The following UPF3B variants were observed in gnomAD, a reference collection of about 807,000 sequenced individuals.
UPF3B encodes the protein UPF3B regulator of nonsense mediated mRNA decay.
In UPF3B, 7 loss-of-function variants were observed where a neutral mutation model predicts 40.3. The ratio of observed to expected loss-of-function variants is 0.17; its 90% CI spans 0.10 to 0.33. The LOEUF is 0.33. UPF3B is among the 10% of genes least tolerant of loss of function. The pLI is 1.00. For missense variants in UPF3B, 229 were observed against 358.9 expected (o/e 0.64, Z 2.93); for synonymous variants, 117 against 117.3 (o/e 1.00, Z 0.01).
chrX:119,838,147 T>G, intron 9 of UPF3B, 96 bp from the exon 10 acceptor site: 1 of 1,103,921 alleles, frequency 9.1e-7, no homozygotes, highest in Non-Finnish European at 1.2e-6. Flanking sequence ...GCAATGAGGT[T>G]GCACTTTTAG....
chrX:119,815,885 G>A (rs1336451628), intron 4 of UPF3B, among the ~76,000 whole-genome samples: 1 of 111,311 alleles, frequency 9.0e-6, no homozygotes, highest in African/African-American at 3.3e-5. Context: ...GGGTTCAAGC[G>A]ATTCTCCTGC....
At position 119,814,859 on chromosome X, in the gene UPF3B, CTTTTTTTT is replaced by C. The variant is rs140201169; in HGVS notation, c.602+333_602+340del. Among the ~76,000 whole-genome samples the C allele has an allele frequency of 9.6e-3, 446 of 46,288 alleles. 3 individuals are homozygous for C. The highest frequency in any genetic ancestry group is 0.013 in the Non-Finnish European group (352 of 26,092). The allele number at this position is 46,288 out of a possible 115,157, so 40.2% of individuals were successfully genotyped here. ...CACTCCTCTACTCTTTTCTTTCTTT[CTTTTTTTT>C]TTTTTTTTTTTTTTTTGAGATGGAG... On this transcript the variant is annotated intron_variant, in intron 5 of 6. Transcript: ENST00000636792.
At chrX:119,819,287 C>T (rs2055891549) in intron 4 of UPF3B, among the ~76,000 whole-genome samples, 1 of 110,319 alleles carries the variant, frequency 9.1e-6, no homozygotes, top group South Asian at 3.8e-4. Flanking sequence ...CTGCTGACCT[C>T]GTGATCCTCC....
intron 4 of UPF3B, 77 bp downstream of exon 4, chrX:119,845,121 T>C: frequency 4.8e-6 from 4 of 836,052 alleles, no homozygotes; most frequent in South Asian, 2.3e-5. Context: ...AATTTTGGGG[T>C]CGAATTAACT....
chrX:119,827,749 T>C (rs1161016553), intron 3 of UPF3B, among the ~76,000 whole-genome samples: 1 of 110,879 alleles, frequency 9.0e-6, no homozygotes, highest in East Asian at 2.8e-4. Context: ...CTTTATTTTT[T>C]TGAGATGGAG....
chrX:119,809,080 G>A (rs994964833), intron 5 of UPF3B, among the ~76,000 whole-genome samples: 22 of 111,976 alleles, frequency 2.0e-4, no homozygotes, highest in African/African-American at 6.8e-4. Flanking sequence ...TCACAGTTTC[G>A]AATGGCTCGG....
At chrX:119,833,193 T>C (rs1210384074), downstream of UPF3B, among the ~76,000 whole-genome samples, 1 of 112,181 alleles carries the variant, frequency 8.9e-6, no homozygotes, top group African/African-American at 3.2e-5. Flanking sequence ...TGCTCAAATA[T>C]TGTTTAGACA....
chrX:119,835,747 G>C (rs1315139703), intron 10 of UPF3B, among the ~76,000 whole-genome samples: 1 of 111,773 alleles, frequency 8.9e-6, no homozygotes, highest in African/African-American at 3.3e-5. Context: ...CCAATACTTT[G>C]AGGGGATCGG....
At chrX:119,847,253 CCTGA>C (rs1170388563) in intron 3 of UPF3B, among the ~76,000 whole-genome samples, 2 of 111,371 alleles carry the variant, frequency 1.8e-5, no homozygotes, top group Admixed American at 9.6e-5. Flanking sequence ...ATTGGGCCAG[CCTGA>C]CTAACATGGT....
At chrX:119,828,434 G>C (rs968140706) in intron 3 of UPF3B, among the ~76,000 whole-genome samples, 1 of 111,583 alleles carries the variant, frequency 9.0e-6, no homozygotes, top group Non-Finnish European at 1.9e-5. Flanking sequence ...CACTTTGGGA[G>C]GCTAAGGTGG....
chrX:119,843,412 A>T, intron 4 of UPF3B, 111 bp from the exon 5 acceptor site: 1 of 588,262 alleles, frequency 1.7e-6, no homozygotes, highest in Non-Finnish European at 2.7e-6. Context: ...TTCGTGGAAG[A>T]TTAAAAAAAA....
chrX:119,808,725 G>A (rs2055810228), intron 5 of UPF3B, among the ~76,000 whole-genome samples: 1 of 109,973 alleles, frequency 9.1e-6, no homozygotes, highest in Non-Finnish European at 1.9e-5. Flanking sequence ...TGAGATGGCT[G>A]GCAACAGGCT....
In UPF3B at chrX:119,842,580, T is replaced by A. The variant is rs868194142; in HGVS notation, c.580+611A>T. 5.9e-3 allele frequency among the ~76,000 whole-genome samples: 420 copies of A among 71,426 alleles called. 4 individuals are homozygous for A. Among genetic ancestry groups the A allele is most frequent in the African/African-American group, 0.024 (386 of 16,335 alleles). The allele number at this position is 71,426 out of a possible 115,157, so 62.0% of individuals were successfully genotyped here. A position where few individuals can be genotyped will look rare whatever the true frequency, so the allele number is the denominator to read the frequency against. On this transcript the variant is annotated intron_variant, in intron 5 of 10. Coordinates refer to ENST00000276201, the MANE Select transcript of UPF3B (RefSeq NM_080632.3). ...GGGCGACAGAGCAAGACTCCATCTCTCACACACACACACACACACACACAT... is the reference window on the plus strand; with the variant it reads ...GGGCGACAGAGCAAGACTCCATCTCACACACACACACACACACACACACAT...
intron 3 of UPF3B, among the ~76,000 whole-genome samples, chrX:119,851,216 ACTG>A (rs1490426240): frequency 8.9e-6 from 1 of 112,560 alleles, no homozygotes; most frequent in East Asian, 2.8e-4. Context: ...ACTTATCAGT[ACTG>A]CGGCTGAAAT....
intron 5 of UPF3B, among the ~76,000 whole-genome samples, chrX:119,814,660 T>C (rs758263401): frequency 8.9e-6 from 1 of 111,908 alleles, no homozygotes; most frequent in Non-Finnish European, 1.9e-5. Context: ...TCATGTCATA[T>C]GTGATGAAGT....
chrX:119,828,983 A>T (rs1297687709), intron 3 of UPF3B, among the ~76,000 whole-genome samples: 13 of 111,353 alleles, frequency 1.2e-4, no homozygotes, highest in Non-Finnish European at 1.9e-4. Context: ...TGCCTCCAAA[A>T]GTGCTGGGAT....
chrX:119,827,874 G>A (rs1972131486), intron 3 of UPF3B, among the ~76,000 whole-genome samples: 3 of 109,910 alleles, frequency 2.7e-5, no homozygotes, highest in Admixed American at 9.8e-5. Context: ...TGGGATTACA[G>A]GCACCCACCA....
At chrX:119,812,392 C>T (rs1178317591) in intron 5 of UPF3B, among the ~76,000 whole-genome samples, 1 of 111,839 alleles carries the variant, frequency 8.9e-6, no homozygotes, top group Non-Finnish European at 1.9e-5. Context: ...GAAGATCCCT[C>T]GTACTTCCCT....
At chrX:119,806,311 T>C (rs1440586377) in intron 6 of UPF3B, among the ~76,000 whole-genome samples, 3 of 88,722 alleles carry the variant, frequency 3.4e-5, no homozygotes, top group Non-Finnish European at 6.6e-5. Flanking sequence ...GGAAGGGGAA[T>C]ATCACACTCT....
Sources: gnomAD v4.1 joint callset for allele counts (sites outside exome capture counted in the v4.1 genomes callset) on GRCh38, gnomAD v4.1.1 for gene constraint, MANE v1.5 for transcripts, NCBI Gene and HGNC (gene_info 2026-07-23, HGNC 2026-07-21) for gene names.